Variants in TCEANC observed in about 807,000 individuals in gnomAD.
TCEANC encodes the protein transcription elongation factor A N-terminal and central domain-containing protein.
A neutral mutation model predicts 8.7 loss-of-function variants in TCEANC; 8 were observed. The observed-to-expected ratio is 0.92, with a 90% CI of 0.54 to 1.65. The LOEUF (loss-of-function observed/expected upper bound fraction) is 1.65. Ranked by LOEUF, TCEANC falls within the 40% of genes most tolerant of loss-of-function variation. TCEANC has a pLI of 0.00. For missense variants in TCEANC, 255 were observed against 251.9 expected (o/e 1.01, Z -0.08); for synonymous variants, 78 against 92.9 (o/e 0.84, Z 0.92).
At chrX:13,663,372 T>C (rs745816179) in exon 2 of TCEANC, 1 of 1,195,048 alleles carries the variant, frequency 8.4e-7, no homozygotes, top group East Asian at 3.0e-5. Context: ...AAGTAATTGA[T>C]GGCACACAGA....
chrX:13,662,571 G>T (rs1487286978), exon 2 of TCEANC: 1 of 1,211,566 alleles, frequency 8.3e-7, no homozygotes, highest in African/African-American at 1.7e-5. Flanking sequence ...TGTCCAAAAG[G>T]AATTTTGAGG....
exon 2 of TCEANC, chrX:13,663,449 C>T: frequency 1.7e-6 from 2 of 1,179,954 alleles, no homozygotes; most frequent in African/African-American, 1.8e-5. Flanking sequence ...GACAGAGGAA[C>T]ACTTTTCCTT....
At chrX:13,654,682 A>T (rs749686080), upstream of TCEANC, among the ~76,000 whole-genome samples, 1 of 111,489 alleles carries the variant, frequency 9.0e-6, no homozygotes, top group Non-Finnish European at 1.9e-5. Context: ...CATTTTGTAG[A>T]TGAGGAAATT....
intron 1 of TCEANC, among the ~76,000 whole-genome samples, chrX:13,660,288 A>G (rs150511728): frequency 8.9e-6 from 1 of 112,210 alleles, no homozygotes; most frequent in Non-Finnish European, 1.9e-5. Flanking sequence ...ATTCAGATGT[A>G]ATTCACGCAC....
intron 1 of TCEANC, 60 bp from the exon 5 acceptor site, chrX:13,662,441 C>T (rs2045973209): frequency 9.4e-7 from 1 of 1,067,576 alleles, no homozygotes; most frequent in Non-Finnish European, 1.3e-6. Flanking sequence ...TTTTAGTATC[C>T]AGAAGCTGCG....
At chrX:13,660,853 TA>T (rs1481082321) in intron 1 of TCEANC, among the ~76,000 whole-genome samples, 177 bp from the exon 4 acceptor site, 1 of 112,099 alleles carries the variant, frequency 8.9e-6, no homozygotes, top group Non-Finnish European at 1.9e-5. Flanking sequence ...TATTTATTAT[TA>T]TTTTTTTTTA....
intron 1 of TCEANC, among the ~76,000 whole-genome samples, chrX:13,655,716 C>T (rs2045919682): frequency 8.9e-6 from 1 of 112,491 alleles, no homozygotes; most frequent in African/African-American, 3.2e-5. Flanking sequence ...CCTAATTCAT[C>T]CTATCTGGAG....
exon 2 of TCEANC, chrX:13,664,525 TTTTTTGTTTTTGTTTTTG>T (rs374135383): frequency 8.1e-6 from 1 of 122,985 alleles, no homozygotes; most frequent in African/African-American, 3.3e-5. Flanking sequence ...TTCGTAGTTG[TTTTTTGTTTTTGTTTTTG>T]TTTTTGTTTT....
rs778111262 is a variant in TCEANC, at chrX:13,660,875, T to C, written c.-8-1626T>C. Among the ~76,000 whole-genome samples the C allele has an allele frequency of 3.6e-5, 4 of 112,148 alleles. No individual in the cohort carries two copies. The South Asian group carries it at 1.5e-3, about 41-fold the overall frequency. On this transcript the variant is annotated intron_variant, in intron 1 of 1. Coordinates refer to ENST00000380600, the Ensembl canonical transcript of TCEANC. Reference sequence around the variant, plus strand: ...TATTATTTTTTTTTAGACAGAGTCTTGCTGTGTTGCCCAGGCTGGAGTGCA... The same window carrying C: ...TATTATTTTTTTTTAGACAGAGTCTCGCTGTGTTGCCCAGGCTGGAGTGCA...
At chrX:13,661,791 C>G (rs755957601) in intron 1 of TCEANC, among the ~76,000 whole-genome samples, 67 of 111,829 alleles carry the variant, frequency 6.0e-4, no homozygotes, top group Non-Finnish European at 1.0e-3. Flanking sequence ...TTAACAAAAC[C>G]AAAATGTAAG....
chrX:13,653,923 C>A (rs186180288), upstream of TCEANC, among the ~76,000 whole-genome samples: 14 of 111,758 alleles, frequency 1.3e-4, no homozygotes, highest in African/African-American at 4.6e-4. Flanking sequence ...ACTGTATACA[C>A]TTTTTGGTAT....
upstream of TCEANC, among the ~76,000 whole-genome samples, chrX:13,653,520 C>A (rs777840928): frequency 9.0e-6 from 1 of 111,711 alleles, no homozygotes; most frequent in South Asian, 3.7e-4. Context: ...TCTCGCTGCA[C>A]CTTTACTAGG....
intron 1 of TCEANC, among the ~76,000 whole-genome samples, chrX:13,657,103 G>A (rs1007581169): frequency 3.6e-5 from 4 of 112,008 alleles, no homozygotes; most frequent in Non-Finnish European, 7.5e-5. Context: ...AATCACCACC[G>A]AACATACACA....
chrX:13,653,561 A>G (rs2045900470), upstream of TCEANC, among the ~76,000 whole-genome samples: 1 of 111,779 alleles, frequency 8.9e-6, no homozygotes, highest in African/African-American at 3.3e-5. Context: ...GTCCTAGTGC[A>G]GTGCTGAGTG....
At chrX:13,659,086 A>G (rs192240759) in intron 1 of TCEANC, among the ~76,000 whole-genome samples, 26 of 112,550 alleles carry the variant, frequency 2.3e-4, no homozygotes, top group African/African-American at 8.4e-4. Flanking sequence ...CACACCCTCT[A>G]TTAGCGAACA....
rs2045972670 is a variant in TCEANC, at chrX:13,662,361, C to T, written c.-8-140C>T. The T allele has an allele frequency of 1.2e-5, 6 of 514,017 alleles. No individual in the cohort carries two copies. The South Asian group carries it at 1.7e-4, about 15-fold the overall frequency. The allele number at this position is 514,017 out of a possible 1,213,427, so 42.4% of individuals were successfully genotyped here. ...TCACCTTAAAGATTCCATTTTCTAG[C>T]GTGTCGCATACATTTGTATTACATG... is the stretch of plus-strand genomic sequence containing the variant. On this transcript the variant is annotated intron_variant, in intron 1 of 1. Transcript: ENST00000380600.
At chrX:13,662,414 A>T in intron 1 of TCEANC, 87 bp from the exon 5 acceptor site, 1 of 843,248 alleles carries the variant, frequency 1.2e-6, no homozygotes, top group Non-Finnish European at 1.7e-6. Context: ...TGCCTAGGTA[A>T]CTGACAGAAA....
At chrX:13,662,821 C>A (rs947122968) in exon 2 of TCEANC, 1 of 1,209,942 alleles carries the variant, frequency 8.3e-7, no homozygotes, top group Non-Finnish European at 1.1e-6. Context: ...AAATTCAGGA[C>A]CTTCTCATGA....
At chrX:13,665,035 A>G (rs958147017) in exon 2 of TCEANC, 1 of 123,864 alleles carries the variant, frequency 8.1e-6, no homozygotes, top group Non-Finnish European at 1.9e-5. Flanking sequence ...AACATGCATA[A>G]AAGTAAAATA....
Sources: gnomAD v4.1 joint callset for allele counts (sites outside exome capture counted in the v4.1 genomes callset) on GRCh38, gnomAD v4.1.1 for gene constraint, MANE v1.5 for transcripts, NCBI Gene and HGNC (gene_info 2026-07-23, HGNC 2026-07-21) for gene names.